The following DNAH14 variants were observed in gnomAD, a reference collection of about 807,000 sequenced individuals.
DNAH14 encodes the protein axonemal beta dynein heavy chain 14.
DNAH14 carries 478 observed loss-of-function variants against 520.9 expected under a neutral mutation model. That is an observed-to-expected ratio of 0.92 (90% CI 0.85 to 0.99). The LOEUF is 0.99. Ranked by LOEUF, DNAH14 falls within the 50% of genes least tolerant of loss-of-function variation. The pLI, the probability that DNAH14 is intolerant of heterozygous loss-of-function variation, is 0.00. For synonymous variants in DNAH14, 1,581 were observed against 1,757.2 expected, an observed-to-expected ratio of 0.90 and a Z score of 2.51; for missense variants, 4,831 against 5,234.5, an observed-to-expected ratio of 0.92 and a Z score of 2.38.
chr1:225,250,783 G>T (rs1486266289), intron 43 of DNAH14: 5 of 457,500 alleles, frequency 1.1e-5, no homozygotes, highest in Non-Finnish European at 1.6e-5. Context: ...TGGCTAGTTT[G>T]AATAATTTCA....
At chr1:224,948,329 A>C (rs188366933) in intron 1 of DNAH14, among the ~76,000 whole-genome samples, 355 of 151,856 alleles carry the variant, frequency 2.3e-3, no homozygotes, top group African/African-American at 8.1e-3. Flanking sequence ...TGTAGTGATT[A>C]TCTTTCTATC....
At chr1:225,190,359 C>T (rs2149342550) in intron 37 of DNAH14, among the ~76,000 whole-genome samples, 1 of 152,044 alleles carries the variant, frequency 6.6e-6, no homozygotes, top group South Asian at 2.1e-4. Context: ...TGAGTTGTTA[C>T]TGAGTGACTG....
At chr1:225,222,752 A>C (rs1322071972) in intron 41 of DNAH14, among the ~76,000 whole-genome samples, 1 of 152,146 alleles carries the variant, frequency 6.6e-6, no homozygotes. Flanking sequence ...TTTGCCTCTC[A>C]CAGCCGCTTA....
chr1:224,992,199 C>A (rs897089391), intron 8 of DNAH14, among the ~76,000 whole-genome samples: 2 of 151,862 alleles, frequency 1.3e-5, no homozygotes, highest in Non-Finnish European at 2.9e-5. Flanking sequence ...GTTCTTTTTG[C>A]CCATAATTGC....
chr1:225,244,020 A>G lies in DNAH14; in HGVS notation c.6748+3198A>G, dbSNP rs549420090. Among the ~76,000 whole-genome samples, 33 of 152,262 alleles carry G rather than the reference A, an allele frequency of 2.2e-4. 2 individuals carry two copies. The East Asian group carries it at 6.0e-3, about 28-fold the overall frequency. ...CTCTTATTATTTTGAGATGTGTTCA[A>G]TCAATACCTAGTTTATTGAGTGTTT... On this transcript the variant is annotated intron_variant, in intron 43 of 85. Coordinates refer to ENST00000682510, the MANE Select transcript of DNAH14 (RefSeq NM_001367479.1).
chr1:225,114,979 A>C (rs1224529682), intron 23 of DNAH14, among the ~76,000 whole-genome samples: 1 of 152,110 alleles, frequency 6.6e-6, no homozygotes, highest in Non-Finnish European at 1.5e-5. Flanking sequence ...TTTCATAGAG[A>C]TAGTTGTTAA....
chr1:225,295,967 A>G (rs10915810), intron 55 of DNAH14, among the ~76,000 whole-genome samples: 82,154 of 151,926 alleles, frequency 0.54, 22,563 homozygotes, highest in East Asian at 0.79. Context: ...ATTCTCTTGC[A>G]GAATTGATTC....
rs755212334 is a variant in DNAH14, at chr1:225,206,160, G to A, written c.6167G>A (p.Arg2056Gln). Residue 2056 changes from arginine to glutamine, a missense_variant, in exon 40 of 86, where the codon CGA becomes CAA. Arg to Gln is a conservative substitution (Grantham distance 43). Coordinates refer to ENST00000682510, the MANE Select transcript of DNAH14 (RefSeq NM_001367479.1). Reference sequence around the variant, plus strand: ...CAGGCCAGTCCTGCTACTGTCAGCCGATGTGCCATGGTCTATATGGTAAGC... The same window carrying A: ...CAGGCCAGTCCTGCTACTGTCAGCCAATGTGCCATGGTCTATATGGTAAGC... ...LSQASPATVS[R>Q]CAMVYMDPVD... 2.6e-5 allele frequency: 41 copies of A among 1,550,920 alleles called. No individual in the cohort carries two copies. Among genetic ancestry groups the A allele is most frequent in the Admixed American group, 5.9e-5 (3 of 50,964 alleles).
Position 225,344,582 on chromosome 1 carries a change from G to A in DNAH14, c.10679-1380G>A, listed in dbSNP as rs149016006. 5.8e-3 allele frequency among the ~76,000 whole-genome samples: 883 copies of A among 152,208 alleles called. 8 individuals are homozygous for A. Among genetic ancestry groups the A allele is most frequent in the African/African-American group, 0.02 (819 of 41,528 alleles). ...TCTTGTTCTTTTTTATGACTGCATC[G>A]TATTCCATGGTGTGTATGTACCACA... On this transcript the variant is annotated intron_variant, in intron 69 of 85. Coordinates refer to ENST00000682510, the MANE Select transcript of DNAH14 (RefSeq NM_001367479.1).
chr1:225,058,758 A>T (rs1405045387), intron 17 of DNAH14, among the ~76,000 whole-genome samples: 1 of 152,086 alleles, frequency 6.6e-6, no homozygotes, highest in Non-Finnish European at 1.5e-5. Context: ...TTCAAAGAAC[A>T]TCTTTATTTC....
At chr1:225,130,891 C>G (rs2078340582) in intron 27 of DNAH14, among the ~76,000 whole-genome samples, 1 of 151,774 alleles carries the variant, frequency 6.6e-6, no homozygotes, top group South Asian at 2.1e-4. Flanking sequence ...AAATGAAGCA[C>G]AATACAACAA....
chr1:224,936,877 A>G (rs1323763705), intron 1 of DNAH14, among the ~76,000 whole-genome samples: 2 of 152,016 alleles, frequency 1.3e-5, no homozygotes, highest in Non-Finnish European at 2.9e-5. Flanking sequence ...TCCATGATCA[A>G]TTGAGATTCT....
intron 25 of DNAH14, chr1:225,118,243 T>G (rs1355761040): frequency 5.7e-6 from 3 of 524,520 alleles, no homozygotes; most frequent in Admixed American, 6.4e-5. Context: ...TGCACTTACA[T>G]TTTGTTCTGT....
intron 81 of DNAH14, among the ~76,000 whole-genome samples, chr1:225,385,980 T>C (rs893614926): frequency 1.3e-5 from 2 of 152,156 alleles, no homozygotes; most frequent in African/African-American, 4.8e-5. Context: ...CTTCAAACTA[T>C]GCTACAAGGC....
At chr1:225,165,384 A>C (rs1432647501) in intron 35 of DNAH14, among the ~76,000 whole-genome samples, 1 of 151,888 alleles carries the variant, frequency 6.6e-6, no homozygotes, top group Non-Finnish European at 1.5e-5. Flanking sequence ...TTTTATTTTT[A>C]GTTCTCTAAA....
At chr1:225,050,189 C>T (rs1434945021) in intron 15 of DNAH14, 21 bp from the exon 16 acceptor site, 2 of 1,517,998 alleles carry the variant, frequency 1.3e-6, no homozygotes, top group East Asian at 2.5e-5. Flanking sequence ...GAAGTACTGA[C>T]TTTTAAATTA....
At chr1:225,110,451 A>G (rs2076397262) in intron 23 of DNAH14, among the ~76,000 whole-genome samples, 1 of 151,700 alleles carries the variant, frequency 6.6e-6, no homozygotes, top group South Asian at 2.1e-4. Context: ...AGATCTTCCA[A>G]TTTATTGGCA....
chr1:225,074,466 C>T (rs942001987), intron 17 of DNAH14, among the ~76,000 whole-genome samples: 6 of 152,170 alleles, frequency 3.9e-5, no homozygotes. Context: ...TGTGCTTCTG[C>T]CTCTGCCCCC....
At chr1:225,239,403 G>A (rs1193625023) in intron 42 of DNAH14, among the ~76,000 whole-genome samples, 3 of 152,038 alleles carry the variant, frequency 2.0e-5, no homozygotes, top group Non-Finnish European at 4.4e-5. Context: ...CACTTGGCTG[G>A]GGTTCCCTTG....
Sources: allele counts gnomAD v4.1 joint callset (sites outside exome capture counted in the v4.1 genomes callset), GRCh38; gene constraint gnomAD v4.1.1; transcripts MANE v1.5; gene names NCBI Gene and HGNC (gene_info 2026-07-23, HGNC 2026-07-21).